The following ZC3HAV1 variants were observed in gnomAD, a reference collection of about 807,000 sequenced individuals.
ZC3HAV1 encodes zinc finger CCCH-type containing, antiviral 1, also known as zinc finger CCCH-type antiviral protein 1.
Under a neutral mutation model 86.6 loss-of-function variants are expected in ZC3HAV1, and 41 were observed. That is an observed-to-expected ratio of 0.47 (90% CI 0.37 to 0.61). ZC3HAV1 has a LOEUF of 0.61. Ranked by LOEUF, ZC3HAV1 falls within the 20% of genes least tolerant of loss-of-function variation. ZC3HAV1 has a pLI of 0.00. For synonymous variants in ZC3HAV1, 421 were observed against 432.1 expected (o/e 0.97, Z 0.32); for missense variants, 964 against 1,141.1 (o/e 0.84, Z 2.24).
intron 8 of ZC3HAV1, among the ~76,000 whole-genome samples, chr7:139,064,278 C>T (rs1363537167): frequency 1.3e-5 from 2 of 152,164 alleles, no homozygotes; most frequent in African/African-American, 4.8e-5. Flanking sequence ...CAGGGGGTGC[C>T]CAATGGGATG....
At chr7:139,050,910 T>C (rs1369711243) in intron 12 of ZC3HAV1, among the ~76,000 whole-genome samples, 1 of 152,194 alleles carries the variant, frequency 6.6e-6, no homozygotes, top group Non-Finnish European at 1.5e-5. Context: ...CCCATGCGCT[T>C]ACAGTCAAGT....
chr7:139,047,953 A>G (rs531221353), intron 12 of ZC3HAV1, 100 bp from the exon 13 acceptor site: 1 of 1,183,618 alleles, frequency 8.4e-7, no homozygotes, highest in Non-Finnish European at 1.2e-6. Context: ...GACTAAGCAT[A>G]TGTCAATAAT....
rs544644410 is a variant in ZC3HAV1, at chr7:139,089,575, A to G, written c.444+49T>C. 3.9e-6 allele frequency: 6 copies of G among 1,539,902 alleles called. No individual in the cohort carries two copies. The African/African-American group carries it at 5.6e-5, about 14-fold the overall frequency. Reference sequence around the variant, plus strand: ...CCTACTCCAAAATATCTGTGACACAATACTGCCAGTAATATTCTCCCTCCT... The same window carrying G: ...CCTACTCCAAAATATCTGTGACACAGTACTGCCAGTAATATTCTCCCTCCT... On this transcript the variant is annotated intron_variant, in intron 2 of 12. Coordinates refer to ENST00000242351, the MANE Select transcript of ZC3HAV1 (RefSeq NM_020119.4).
chr7:139,094,663 A>T (rs184329753), intron 1 of ZC3HAV1, among the ~76,000 whole-genome samples: 1 of 152,236 alleles, frequency 6.6e-6, no homozygotes, highest in East Asian at 1.9e-4. Flanking sequence ...CTCTCTCACC[A>T]CGGGTGCAGT....
At position 139,047,524 on chromosome 7, in the gene ZC3HAV1, T is replaced by C; in HGVS notation, c.*70A>G. On this transcript the variant is annotated 3_prime_UTR_variant, in exon 13 of 13. Transcript: ENST00000242351. The stretch of plus-strand genomic sequence containing the variant: ...GGAAAATATAAAACTTTAACTCCTG[T>C]CTGCGGCAATTTAGTTCTGTAAAGG... The C allele has an allele frequency of 1.9e-6, 3 of 1,595,456 alleles. No homozygotes were observed. Among genetic ancestry groups the C allele is most frequent in the Non-Finnish European group, 2.6e-6 (3 of 1,172,258 alleles).
chr7:139,068,639 T>C (rs1407428667), intron 7 of ZC3HAV1, among the ~76,000 whole-genome samples: 1 of 152,236 alleles, frequency 6.6e-6, no homozygotes, highest in Admixed American at 6.5e-5. Context: ...GTTGTCATAC[T>C]GGACAGCACA....
chr7:139,067,557 G>A (rs1043047839), intron 7 of ZC3HAV1, among the ~76,000 whole-genome samples: 1 of 152,132 alleles, frequency 6.6e-6, no homozygotes, highest in East Asian at 1.9e-4. Context: ...AGACTCAGAA[G>A]GATAGGGCAG....
rs146300884 is a variant in ZC3HAV1 at position 139,061,112 on chromosome 7, T to C, written c.2020A>G (p.Lys674Glu). The change falls in exon 9 of 13, where the codon AAA becomes GAA. Residue 674 changes from lysine (K) to glutamate (E), a missense_variant. Coordinates refer to ENST00000242351, the MANE Select transcript of ZC3HAV1 (RefSeq NM_020119.4). ...CTTCTGATGACATCCTTTTGAGTTT[T>C]GGAAGCTATGTTTGTCTGAATCATC... ...QGMIQTNIASKTQKDVIRRPT... is the reference protein window; with the variant it reads ...QGMIQTNIASETQKDVIRRPT... 93 of 1,613,716 alleles carry C rather than the reference T, an allele frequency of 5.8e-5. No homozygotes were observed. The African/African-American group carries it at 1.0e-3, about 18-fold the overall frequency.
intron 9 of ZC3HAV1, 90 bp downstream of exon 9, chr7:139,060,946 A>C: frequency 6.2e-7 from 1 of 1,603,582 alleles, no homozygotes; most frequent in Non-Finnish European, 8.5e-7. Context: ...TTTTCAGGAA[A>C]ACAGGCTCCA....
intron 2 of ZC3HAV1, among the ~76,000 whole-genome samples, chr7:139,084,515 G>T (rs1382392539): frequency 6.6e-6 from 1 of 152,222 alleles, no homozygotes; most frequent in Non-Finnish European, 1.5e-5. Context: ...ACATGTACGT[G>T]ACTAGCTCTG....
chr7:139,080,258 A>G lies in ZC3HAV1; in HGVS notation c.698-15T>C. On this transcript the variant is annotated splice_polypyrimidine_tract_variant and intron_variant, in intron 3 of 12. Transcript: ENST00000242351. ...TGAAGAAGGAGCTAAGGGGAAAAAA[A>G]GCCAAAATGAAACAAAATAATGAAC... 6.2e-7 allele frequency: 1 copy of G among 1,611,276 alleles called. No individual in the cohort carries two copies. The highest frequency in any genetic ancestry group is 8.5e-7 in the Non-Finnish European group (1 of 1,179,764).
intron 1 of ZC3HAV1, among the ~76,000 whole-genome samples, chr7:139,100,837 CTCTCTT>C (rs1401817253): frequency 6.7e-6 from 1 of 148,694 alleles, no homozygotes; most frequent in African/African-American, 2.6e-5. Flanking sequence ...CTCCCTCTCC[CTCTCTT>C]TCCACGGTCT....
At position 139,109,119 on chromosome 7, in the gene ZC3HAV1, C is replaced by A; in HGVS notation, c.213G>T (p.Arg71=). 6.3e-7 allele frequency: 1 copy of A among 1,592,238 alleles called. No individual in the cohort carries two copies. The part of the protein sequence containing the change: ...TRSVVATTRA[R]VCRRKYCQRP... ...TCTGGCAGTACTTGCGACGGCAGAC[C>A]CGGGCTCGAGTGGTGGCCACCACCG... Residue 71 remains arginine, a synonymous_variant, in exon 1 of 13, where the codon CGG becomes CGT. Transcript: ENST00000242351.
In ZC3HAV1 at chr7:139,089,746, A is replaced by G. The variant is rs1340354099; in HGVS notation, c.322T>C (p.Tyr108His). ...TCTTCTGAGAGAACCTCATGAGAAT[A>G]TTTGCATAAATTCCTGGAAGAAAAC... ...YSQSERNLCK[Y>H]SHEVLSEENF... The change falls in exon 2 of 13, where the codon TAT (tyrosine) becomes CAT (histidine). Residue 108 changes from tyrosine (Y) to histidine (H), a missense_variant. Coordinates refer to ENST00000242351, the MANE Select transcript of ZC3HAV1 (RefSeq NM_020119.4). The G allele has an allele frequency of 2.5e-6, 4 of 1,607,906 alleles. No homozygotes were observed.
chr7:139,097,175 GA>G (rs1817614938), intron 1 of ZC3HAV1, among the ~76,000 whole-genome samples: 1 of 150,248 alleles, frequency 6.7e-6, no homozygotes, highest in Non-Finnish European at 1.5e-5. Context: ...ATAAAAAAAA[GA>G]AAATTTTAAA....
intron 9 of ZC3HAV1, among the ~76,000 whole-genome samples, chr7:139,056,238 C>CA (rs1372531316): frequency 1.3e-5 from 2 of 152,244 alleles, no homozygotes; most frequent in East Asian, 3.9e-4. Context: ...ATATCCTCAA[C>CA]CTCCTGAGCC....
At chr7:139,057,957 A>G (rs1437057245) in intron 9 of ZC3HAV1, among the ~76,000 whole-genome samples, 1 of 152,206 alleles carries the variant, frequency 6.6e-6, no homozygotes, top group Non-Finnish European at 1.5e-5. Context: ...TCAGGTTTCC[A>G]TTCTGGATTT....
intron 5 of ZC3HAV1, 141 bp downstream of exon 5, chr7:139,078,411 C>T (rs1780431918): frequency 4.7e-6 from 3 of 632,974 alleles, no homozygotes; most frequent in Non-Finnish European, 8.1e-6. Context: ...CTATATGATC[C>T]CCCAACTCCA....
intron 1 of ZC3HAV1, among the ~76,000 whole-genome samples, chr7:139,096,692 A>C (rs986146304): frequency 6.6e-6 from 1 of 152,200 alleles, no homozygotes; most frequent in East Asian, 1.9e-4. Context: ...GAACTAAAAA[A>C]TTCATTTCTT....
Sources: allele counts gnomAD v4.1 joint callset (sites outside exome capture counted in the v4.1 genomes callset), GRCh38; gene constraint gnomAD v4.1.1; transcripts MANE v1.5; gene names NCBI Gene and HGNC (gene_info 2026-07-23, HGNC 2026-07-21).